PDXDC1: variants seen among roughly 807,000 people sequenced by gnomAD.
The protein encoded by PDXDC1 is pyridoxal-dependent decarboxylase domain-containing protein 1.
A neutral mutation model predicts 100.1 loss-of-function variants in PDXDC1; 42 were observed. That is an observed-to-expected ratio of 0.42 (90% CI 0.33 to 0.54). The LOEUF is 0.54. Ranked by LOEUF, PDXDC1 falls within the 20% of genes least tolerant of loss-of-function variation. The pLI, the probability that PDXDC1 is intolerant of heterozygous loss-of-function variation, is 0.10. For synonymous variants in PDXDC1, 260 were observed against 371.7 expected (o/e 0.70, Z 3.46); for missense variants, 636 against 979.2 (o/e 0.65, Z 4.68).
intron 16 of PDXDC1, among the ~76,000 whole-genome samples, chr16:15,050,006 A>G (rs747582112): frequency 3.9e-5 from 6 of 152,192 alleles, no homozygotes; most frequent in Non-Finnish European, 7.3e-5. Context: ...TGTGCCAAAA[A>G]AGCAAACATG....
chr16:15,034,048 A>C, intron 19 of PDXDC1: 1 of 579,788 alleles, frequency 1.7e-6, no homozygotes, highest in Admixed American at 3.0e-5. Context: ...TGACTTTATG[A>C]CTTCTCTGTT....
intron 16 of PDXDC1, 52 bp from the exon 17 acceptor site, chr16:15,031,683 C>T: frequency 1.3e-6 from 2 of 1,520,928 alleles, no homozygotes; most frequent in East Asian, 2.3e-5. Context: ...GCCCTGCCCT[C>T]TTGTCATTGG....
At chr16:15,062,169 A>G (rs2044742150) in intron 16 of PDXDC1, among the ~76,000 whole-genome samples, 2 of 152,092 alleles carry the variant, frequency 1.3e-5, no homozygotes, top group Non-Finnish European at 2.9e-5. Flanking sequence ...GAACAGAACA[A>G]AAGCTCCCTC....
Position 15,037,877 on chromosome 16 carries a change from TTTTGAAAGTCATTTGATGAAAGTCA to T in PDXDC1, c.*1611_*1635del. Reference sequence around the variant, plus strand: ...ATGCCTTTGCCAAAATAAGGTTTTATTTTGAAAGTCATTTGATGAAAGTCATTTGAAAGACACTGAGGAGGGAAGG... The same window carrying T: ...ATGCCTTTGCCAAAATAAGGTTTTATTTTGAAAGACACTGAGGAGGGAAGG... On this transcript the variant is annotated 3_prime_UTR_variant, in exon 23 of 23. Coordinates refer to ENST00000396410, the MANE Select transcript of PDXDC1 (RefSeq NM_015027.4). 1.8e-6 allele frequency: 1 copy of T among 553,138 alleles called. No homozygotes were observed. Among genetic ancestry groups the T allele is most frequent in the Non-Finnish European group, 3.2e-6 (1 of 314,134 alleles). 34.3% of individuals were successfully genotyped at this position (553,138 alleles called of 1,614,324 possible).
rs2043625687 is a variant in PDXDC1, at chr16:15,038,247, C to T, written c.*1972C>T. ...AGATGGTGGGCATTAGAGAAGCCAACCTTACTGTCCCCTGCTGTGATAAAG... is the reference window on the plus strand; with the variant it reads ...AGATGGTGGGCATTAGAGAAGCCAATCTTACTGTCCCCTGCTGTGATAAAG... On this transcript the variant is annotated 3_prime_UTR_variant, in exon 23 of 23. Transcript: ENST00000396410. The T allele has an allele frequency of 1.4e-5, 21 of 1,464,262 alleles. No homozygotes were observed. The East Asian group carries it at 4.5e-4, about 32-fold the overall frequency. The allele number at this position is 1,464,262 out of a possible 1,614,324, so 90.7% of individuals were successfully genotyped here. A position where few individuals can be genotyped will look rare whatever the true frequency, so the allele number is the denominator to read the frequency against.
chr16:15,038,478 G>GA, downstream of PDXDC1: 2 of 728,056 alleles, frequency 2.7e-6, no homozygotes, highest in East Asian at 5.2e-5. Flanking sequence ...CCGCCAAAGG[G>GA]AAAGCAGCTA....
chr16:14,990,802 G>A (rs1375969658), intron 1 of PDXDC1, among the ~76,000 whole-genome samples: 13 of 152,382 alleles, frequency 8.5e-5, no homozygotes, highest in African/African-American at 2.9e-4. Flanking sequence ...GTGCAGTGTC[G>A]CAATTTCAGC....
At chr16:15,015,587 AC>A (rs1166066129) in intron 8 of PDXDC1, among the ~76,000 whole-genome samples, 4 of 152,250 alleles carry the variant, frequency 2.6e-5, no homozygotes, top group African/African-American at 9.6e-5. Flanking sequence ...CGTGGTGGCC[AC>A]CGCCTGTAAT....
chr16:15,008,185 C>T (rs563532464), intron 6 of PDXDC1, among the ~76,000 whole-genome samples: 2 of 152,394 alleles, frequency 1.3e-5, no homozygotes, highest in Non-Finnish European at 2.9e-5. Flanking sequence ...CTTAGTCATA[C>T]AGAACAATAT....
chr16:15,091,384 G>C (rs2046124694), intron 16 of PDXDC1: 4 of 1,568,118 alleles, frequency 2.6e-6, no homozygotes, highest in Non-Finnish European at 3.5e-6. Context: ...TAACAAGAAG[G>C]GGAAAGAATT....
chr16:15,031,575 C>T (rs2043067026), intron 16 of PDXDC1, among the ~76,000 whole-genome samples, 160 bp from the exon 17 acceptor site: 1 of 152,152 alleles, frequency 6.6e-6, no homozygotes, highest in Non-Finnish European at 1.5e-5. Context: ...CCTAATTCTT[C>T]CATATCTGTG....
At chr16:15,101,320 G>T (rs1343552091) in intron 16 of PDXDC1, among the ~76,000 whole-genome samples, 1 of 152,156 alleles carries the variant, frequency 6.6e-6, no homozygotes, top group Non-Finnish European at 1.5e-5. Context: ...TTTTTTGTTT[G>T]TTTGTTTGTT....
intron 16 of PDXDC1, among the ~76,000 whole-genome samples, chr16:15,124,704 A>G (rs2047609250): frequency 6.6e-6 from 1 of 151,546 alleles, no homozygotes; most frequent in Non-Finnish European, 1.5e-5. Context: ...CCCGGGAGGC[A>G]GAGTCTGCAG....
At chr16:15,055,815 G>A (rs1418324821) in intron 16 of PDXDC1, 6 of 781,084 alleles carry the variant, frequency 7.7e-6, no homozygotes, top group African/African-American at 1.8e-5. Flanking sequence ...AGTCTGTGTC[G>A]CGTGAGGGGG....
chr16:15,082,272 A>G lies in PDXDC1; in HGVS notation c.1399+52216A>G, dbSNP rs35515726. 1.8e-4 allele frequency among the ~76,000 whole-genome samples: 28 copies of G among 152,284 alleles called. No individual in the cohort carries two copies. In the South Asian group the frequency reaches 5.6e-3, roughly 30 times the overall value. ...AATTTCCTTCTGTTTTTCTCGTAAAAGGATATTGGTGTTTGTCACACACTT... is the reference window on the plus strand; with the variant it reads ...AATTTCCTTCTGTTTTTCTCGTAAAGGGATATTGGTGTTTGTCACACACTT... On this transcript the variant is annotated intron_variant, in intron 16 of 16. Coordinates refer to the PDXDC1 transcript ENST00000535621.
intron 16 of PDXDC1, among the ~76,000 whole-genome samples, chr16:15,132,394 G>C (rs1287731941): frequency 1.1e-5 from 1 of 91,400 alleles, no homozygotes; most frequent in Non-Finnish European, 2.3e-5. Context: ...GGAGGGGTTA[G>C]GGGAGGGAAG....
chr16:15,095,947 T>G (rs1175221709), intron 16 of PDXDC1, among the ~76,000 whole-genome samples: 1 of 150,744 alleles, frequency 6.6e-6, no homozygotes, highest in Non-Finnish European at 1.5e-5. Flanking sequence ...CATATGGTGG[T>G]GCATACCTGT....
intron 16 of PDXDC1, chr16:15,104,189 A>C: frequency 5.7e-6 from 5 of 874,862 alleles, no homozygotes; most frequent in Non-Finnish European, 7.9e-6. Context: ...AAAAACAAAT[A>C]ATAATATTTT....
At chr16:15,067,922 T>A in intron 16 of PDXDC1, among the ~76,000 whole-genome samples, 1 of 152,032 alleles carries the variant, frequency 6.6e-6, no homozygotes, top group East Asian at 1.9e-4. Context: ...CACACCCAGC[T>A]AATTTTTAAA....
Sources: allele counts gnomAD v4.1 joint callset (sites outside exome capture counted in the v4.1 genomes callset), GRCh38; gene constraint gnomAD v4.1.1; transcripts MANE v1.5; gene names NCBI Gene and HGNC (gene_info 2026-07-23, HGNC 2026-07-21).